COL14A1: variants seen among roughly 807,000 people sequenced by gnomAD.
COL14A1 encodes the protein collagen type XIV alpha 1 chain, also known as collagen alpha-1(XIV) chain.
Under a neutral mutation model 230.3 loss-of-function variants are expected in COL14A1, and 136 were observed. The observed-to-expected ratio is 0.59, with a 90% CI of 0.51 to 0.68. The LOEUF is 0.68. COL14A1 is among the 30% of genes least tolerant of loss of function. The pLI is 0.00. For missense variants in COL14A1, 1,976 were observed against 2,215.8 expected (o/e 0.89, Z 2.17); for synonymous variants, 792 against 784.1 (o/e 1.01, Z -0.17).
In COL14A1 at chr8:120,368,607, A is replaced by G. The variant is rs529713280; in HGVS notation, c.5156-723A>G. On this transcript the variant is annotated intron_variant, in intron 46 of 47. Transcript: ENST00000297848. ...GGACCTAAAAACAAGCATACAAGCC[A>G]AAAAAAAAAAAAAAAACATGCTGAC... 1.0e-3 allele frequency among the ~76,000 whole-genome samples: 25 copies of G among 24,180 alleles called. No individual in the cohort carries two copies. The South Asian group carries it at 0.024, about 23-fold the overall frequency. The allele number at this position is 24,180 out of a possible 152,430, so 15.9% of individuals were successfully genotyped here. A position where few individuals can be genotyped will look rare whatever the true frequency, so the allele number is the denominator to read the frequency against.
chr8:120,195,170 C>T (rs563622932), intron 5 of COL14A1, among the ~76,000 whole-genome samples: 100 of 152,228 alleles, frequency 6.6e-4, no homozygotes, highest in African/African-American at 2.2e-3. Flanking sequence ...AGTCAAGATC[C>T]TTTAAGCAAA....
chr8:120,176,658 G>A (rs899246175), intron 5 of COL14A1, among the ~76,000 whole-genome samples: 1 of 152,082 alleles, frequency 6.6e-6, no homozygotes, highest in Non-Finnish European at 1.5e-5. Flanking sequence ...GGGTCTTGTA[G>A]GTTAATGCTG....
chr8:120,308,273 C>T (rs756061355), intron 36 of COL14A1, among the ~76,000 whole-genome samples: 4 of 152,212 alleles, frequency 2.6e-5, no homozygotes, highest in African/African-American at 7.2e-5. Flanking sequence ...TGAGCCAGTG[C>T]GCCCAGCCTG....
At chr8:120,323,694 T>C (rs1821549447) in intron 40 of COL14A1, among the ~76,000 whole-genome samples, 2 of 152,190 alleles carry the variant, frequency 1.3e-5, no homozygotes, top group South Asian at 4.1e-4. Flanking sequence ...CATTGCTTTT[T>C]TTTGTCAGGT....
chr8:120,161,066 A>T (rs1392379664), intron 3 of COL14A1, among the ~76,000 whole-genome samples: 10 of 152,188 alleles, frequency 6.6e-5, no homozygotes, highest in Non-Finnish European at 2.9e-5. Context: ...GTTTTAAATG[A>T]CAGAAGTTCC....
intron 36 of COL14A1, among the ~76,000 whole-genome samples, chr8:120,303,451 A>C (rs1417720414): frequency 6.6e-6 from 1 of 152,026 alleles, no homozygotes; most frequent in African/African-American, 2.4e-5. Context: ...AACATGAAGG[A>C]TGTTGAATTT....
intron 40 of COL14A1, among the ~76,000 whole-genome samples, chr8:120,318,922 A>G (rs2130132800): frequency 6.6e-6 from 1 of 152,260 alleles, no homozygotes; most frequent in East Asian, 1.9e-4. Context: ...TGAGCACTGA[A>G]GTCACTTAAC....
intron 26 of COL14A1, among the ~76,000 whole-genome samples, chr8:120,274,323 A>G (rs1819773189): frequency 1.3e-5 from 2 of 151,908 alleles, no homozygotes; most frequent in Admixed American, 1.3e-4. Context: ...GAAAGGACAT[A>G]CCTCAAAATA....
intron 1 of COL14A1, among the ~76,000 whole-genome samples, chr8:120,138,088 C>T (rs1814770466): frequency 6.6e-6 from 1 of 150,802 alleles, no homozygotes; most frequent in Non-Finnish European, 1.5e-5. Flanking sequence ...CAATAAATAT[C>T]AACTACTTGA....
chr8:120,270,058 C>T lies in COL14A1; in HGVS notation c.3097C>T (p.Leu1033=), dbSNP rs1273671029. 2.5e-6 allele frequency: 4 copies of T among 1,611,314 alleles called. No individual in the cohort carries two copies. The Admixed American group carries it at 6.7e-5, about 27-fold the overall frequency. Reference sequence around the variant, plus strand: ...AGTATGTAAGGCGGCCAAGGCTGACCTGGTATTTATGGTGGATGGATCCTG... The same window carrying T: ...AGTATGTAAGGCGGCCAAGGCTGACTTGGTATTTATGGTGGATGGATCCTG... The part of the protein sequence containing the change: ...KEVCKAAKAD[L]VFMVDGSWSI... The change falls in exon 26 of 48, where the codon CTG becomes TTG. Residue 1033 remains leucine (L), a synonymous_variant. Transcript: ENST00000297848.
intron 19 of COL14A1, among the ~76,000 whole-genome samples, chr8:120,237,254 C>T (rs879561517): frequency 5.3e-5 from 8 of 152,280 alleles, no homozygotes; most frequent in Admixed American, 1.3e-4. Flanking sequence ...ACCAATCAAA[C>T]GCAGATTTGG....
chr8:120,338,648 T>C (rs1321740679), intron 42 of COL14A1, among the ~76,000 whole-genome samples: 1 of 152,228 alleles, frequency 6.6e-6, no homozygotes, highest in East Asian at 1.9e-4. Context: ...GAATTAATCC[T>C]GCAGAGCTGT....
chr8:120,173,017 CTACT>C (rs1816144742), intron 5 of COL14A1, among the ~76,000 whole-genome samples: 2 of 152,084 alleles, frequency 1.3e-5, no homozygotes, highest in African/African-American at 2.4e-5. Flanking sequence ...AAAATTTCAC[CTACT>C]TGTTTTAGTG....
chr8:120,290,141 A>G (rs560445175), intron 34 of COL14A1, among the ~76,000 whole-genome samples: 4 of 152,352 alleles, frequency 2.6e-5, no homozygotes, highest in South Asian at 2.1e-4. Flanking sequence ...CCTCATTTAT[A>G]TAAGCAAATA....
chr8:120,282,054 C>T (rs1392982723), intron 31 of COL14A1, among the ~76,000 whole-genome samples: 1 of 152,180 alleles, frequency 6.6e-6, no homozygotes, highest in Non-Finnish European at 1.5e-5. Flanking sequence ...TGGTGCGCTG[C>T]ACCCACTAAC....
At chr8:120,290,729 C>T (rs1019737993) in intron 34 of COL14A1, among the ~76,000 whole-genome samples, 1 of 152,154 alleles carries the variant, frequency 6.6e-6, no homozygotes, top group African/African-American at 2.4e-5. Context: ...AATTCCACTA[C>T]CATTCACTTA....
intron 13 of COL14A1, chr8:120,213,986 A>G: frequency 2.4e-6 from 1 of 409,114 alleles, no homozygotes; most frequent in South Asian, 1.8e-5. Flanking sequence ...TTATTGTCAA[A>G]GAATCAGTAT....
intron 2 of COL14A1, among the ~76,000 whole-genome samples, chr8:120,151,581 A>G (rs1038490686): frequency 7.2e-6 from 1 of 138,830 alleles, no homozygotes; most frequent in Non-Finnish European, 1.5e-5. Flanking sequence ...TGGAGGTTGC[A>G]GTGAGCTGAG....
intron 45 of COL14A1, among the ~76,000 whole-genome samples, chr8:120,347,220 A>G (rs930292723): frequency 2.0e-5 from 3 of 152,170 alleles, no homozygotes; most frequent in African/African-American, 7.2e-5. Context: ...GACCACAGAA[A>G]AATCACCCAA....
Sources: gnomAD v4.1 joint callset for allele counts (sites outside exome capture counted in the v4.1 genomes callset) on GRCh38, gnomAD v4.1.1 for gene constraint, MANE v1.5 for transcripts, NCBI Gene and HGNC (gene_info 2026-07-23, HGNC 2026-07-21) for gene names.